The following SLC33A1 variants were observed in gnomAD, a reference collection of about 807,000 sequenced individuals.
SLC33A1 encodes the protein solute carrier family 33 member 1.
A neutral mutation model predicts 50.0 loss-of-function variants in SLC33A1; 20 were observed. The observed-to-expected ratio is 0.40, with a 90% CI of 0.28 to 0.58. SLC33A1 has a LOEUF of 0.58. SLC33A1 is among the 20% of genes least tolerant of loss of function. The pLI, the probability that SLC33A1 is intolerant of heterozygous loss-of-function variation, is 0.44. For synonymous variants in SLC33A1, 265 were observed against 251.8 expected (o/e 1.05, Z -0.50); for missense variants, 476 against 657.0 (o/e 0.72, Z 3.01).
chr3:155,848,242 C>A (rs1042291158), intron 1 of SLC33A1, among the ~76,000 whole-genome samples: 2 of 152,216 alleles, frequency 1.3e-5, no homozygotes, highest in African/African-American at 2.4e-5. Context: ...CTCAAATGAT[C>A]TTCCCATCTC....
In SLC33A1 at chr3:155,833,516, G is replaced by T; in HGVS notation, c.1218C>A (p.Phe406Leu). ...WTPKVEHQGG[F>L]PIYYYIVVLL... ...GGACTACGATATAGTAATATATAGG[G>T]AATCCCCCTTGATGTTCTACTTTAG... Residue 406 changes from phenylalanine (F) to leucine (L), a missense_variant, in exon 4 of 6, where the codon TTC becomes TTA. Transcript: ENST00000643144. 6.2e-7 allele frequency: 1 copy of T among 1,603,162 alleles called. No individual in the cohort carries two copies. Among genetic ancestry groups the T allele is most frequent in the Non-Finnish European group, 8.5e-7 (1 of 1,170,176 alleles).
intron 1 of SLC33A1, among the ~76,000 whole-genome samples, chr3:155,844,245 ACAGGATAGGCTAAG>A (rs1753039279): frequency 6.6e-6 from 1 of 151,856 alleles, no homozygotes; most frequent in African/African-American, 2.4e-5. Context: ...CTCATAGCAA[ACAGGATAGGCTAAG>A]CATGTGTTAT....
intron 1 of SLC33A1, among the ~76,000 whole-genome samples, chr3:155,849,804 A>C (rs1284741439): frequency 3.3e-5 from 5 of 151,064 alleles, no homozygotes; most frequent in Non-Finnish European, 5.9e-5. Context: ...GCTACTAGGG[A>C]GGCTGAGGCA....
intron 1 of SLC33A1, among the ~76,000 whole-genome samples, chr3:155,844,169 A>G (rs1316517347): frequency 6.6e-6 from 1 of 152,070 alleles, no homozygotes; most frequent in Non-Finnish European, 1.5e-5. Context: ...AGACAGCATT[A>G]TTTGTTTAGA....
chr3:155,828,470 T>C lies in SLC33A1; in HGVS notation c.1483-93A>G, dbSNP rs1300875497. The C allele has an allele frequency of 7.8e-6, 6 of 765,162 alleles. No individual in the cohort carries two copies. In the South Asian group the frequency reaches 7.9e-5, roughly 10 times the overall value. The allele number at this position is 765,162 out of a possible 1,614,324, so 47.4% of individuals were successfully genotyped here. A position where few individuals can be genotyped will look rare whatever the true frequency, so the allele number is the denominator to read the frequency against. ...TTCTACTTTATAAAGAATAAAAATATATTTTTCTTAAAACATTTCAGTATT... is the reference window on the plus strand; with the variant it reads ...TTCTACTTTATAAAGAATAAAAATACATTTTTCTTAAAACATTTCAGTATT... On this transcript the variant is annotated intron_variant, in intron 5 of 5. Coordinates refer to ENST00000643144, the MANE Select transcript of SLC33A1 (RefSeq NM_004733.4).
intron 2 of SLC33A1, among the ~76,000 whole-genome samples, chr3:155,835,419 C>T (rs758502590): frequency 1.6e-4 from 24 of 152,026 alleles, no homozygotes; most frequent in Non-Finnish European, 3.2e-4. Flanking sequence ...AAAAGCGGCC[C>T]CCAAAATCAT....
intron 1 of SLC33A1, among the ~76,000 whole-genome samples, chr3:155,846,654 T>C (rs1053873726): frequency 1.3e-5 from 2 of 151,784 alleles, no homozygotes; most frequent in African/African-American, 2.4e-5. Context: ...GGTTTCTCCA[T>C]GTTGGTCAGG....
intron 4 of SLC33A1, among the ~76,000 whole-genome samples, chr3:155,831,457 C>CAAAAAAAAAAAAAAAAAAAAAAAAA (rs397991448): frequency 2.1e-5 from 1 of 46,682 alleles, no homozygotes; most frequent in African/African-American, 5.8e-5. Context: ...GACTCTGTCT[C>CAAAAAAAAAAAAAAAAAAAAAAAAA]AAAAAAAAAA....
intron 1 of SLC33A1, chr3:155,844,759 C>T (rs1236828732): frequency 2.0e-5 from 3 of 151,818 alleles, no homozygotes; most frequent in Non-Finnish European, 4.4e-5. Flanking sequence ...TGAGCCACCA[C>T]GCCCAGTATA....
At chr3:155,832,635 C>T (rs1309848575) in intron 4 of SLC33A1, among the ~76,000 whole-genome samples, 6 of 149,964 alleles carry the variant, frequency 4.0e-5, no homozygotes, top group African/African-American at 1.5e-4. Context: ...CAAGACCAGC[C>T]TGGCCAATAT....
intron 1 of SLC33A1, among the ~76,000 whole-genome samples, chr3:155,849,990 T>C (rs113571878): frequency 1.3e-5 from 2 of 151,058 alleles, no homozygotes; most frequent in African/African-American, 4.8e-5. Context: ...TGTGAATGCA[T>C]ACTGTCTGTT....
Position 155,853,844 on chromosome 3 carries a change from G to C in SLC33A1, c.154C>G (p.Leu52Val), listed in dbSNP as rs756790835. 8.7e-6 allele frequency: 14 copies of C among 1,602,360 alleles called. No homozygotes were observed. Among genetic ancestry groups the C allele is most frequent in the South Asian group, 1.1e-5 (1 of 89,816 alleles). ...SAGREGDREA[L>V]LGDTGTGDFL... ...TCGCCAGTGCCGGTATCCCCCAGAAGAGCTTCTCTGTCCCCTTCCCGGCCC... is the reference window on the plus strand; with the variant it reads ...TCGCCAGTGCCGGTATCCCCCAGAACAGCTTCTCTGTCCCCTTCCCGGCCC... The change falls in exon 1 of 6, where the codon CTT becomes GTT. Residue 52 changes from leucine (L) to valine (V), a missense_variant. Physicochemically the swap from Leu to Val is conservative, Grantham distance 32. Coordinates refer to ENST00000643144, the MANE Select transcript of SLC33A1 (RefSeq NM_004733.4).
At chr3:155,844,042 C>T (rs1222482195) in intron 1 of SLC33A1, among the ~76,000 whole-genome samples, 1 of 152,134 alleles carries the variant, frequency 6.6e-6, no homozygotes, top group Non-Finnish European at 1.5e-5. Context: ...GTCACCTCTT[C>T]TCAAAAACAA....
chr3:155,844,418 C>T (rs1185544930), intron 1 of SLC33A1, among the ~76,000 whole-genome samples: 10 of 104,026 alleles, frequency 9.6e-5, no homozygotes, highest in Admixed American at 2.6e-4. Context: ...ACACTGCCTA[C>T]ATAAAGGTAT....
chr3:155,847,380 T>G (rs1753212985), intron 1 of SLC33A1, among the ~76,000 whole-genome samples: 1 of 152,122 alleles, frequency 6.6e-6, no homozygotes, highest in South Asian at 2.1e-4. Context: ...GTCATATAAA[T>G]TATGTGTTCT....
At chr3:155,847,456 T>C (rs976458087) in intron 1 of SLC33A1, among the ~76,000 whole-genome samples, 6 of 151,458 alleles carry the variant, frequency 4.0e-5, no homozygotes, top group African/African-American at 1.5e-4. Context: ...ATTTAAAGCA[T>C]CAATGTCGCT....
In SLC33A1 at chr3:155,827,842, A is replaced by T. The variant is rs992354220; in HGVS notation, c.*368T>A. ...TTTTATATATTGTACCAAAATTTTAAATACAGCTCAGCAGTGATAGGTACT... is the reference window on the plus strand; with the variant it reads ...TTTTATATATTGTACCAAAATTTTATATACAGCTCAGCAGTGATAGGTACT... On this transcript the variant is annotated 3_prime_UTR_variant, in exon 6 of 6. Transcript: ENST00000643144. 2 of 168,094 alleles carry T rather than the reference A, an allele frequency of 1.2e-5. No individual in the cohort carries two copies. Among genetic ancestry groups the T allele is most frequent in the African/African-American group, 2.4e-5 (1 of 41,648 alleles). 10.4% of individuals were successfully genotyped at this position (168,094 alleles called of 1,614,324 possible). A position where few individuals can be genotyped will look rare whatever the true frequency, so the allele number is the denominator to read the frequency against.
At chr3:155,846,177 T>C (rs976498317) in intron 1 of SLC33A1, among the ~76,000 whole-genome samples, 2 of 152,204 alleles carry the variant, frequency 1.3e-5, no homozygotes, top group Non-Finnish European at 2.9e-5. Context: ...ACAGAGGACA[T>C]CTCATTTAAA....
chr3:155,849,838 G>A, intron 1 of SLC33A1, among the ~76,000 whole-genome samples: 1 of 150,240 alleles, frequency 6.7e-6, no homozygotes, highest in Admixed American at 6.6e-5. Context: ...AGCCCTGGAG[G>A]GGGAAGTTGC....
Sources: allele counts gnomAD v4.1 joint callset (sites outside exome capture counted in the v4.1 genomes callset), GRCh38; gene constraint gnomAD v4.1.1; transcripts MANE v1.5; gene names NCBI Gene and HGNC (gene_info 2026-07-23, HGNC 2026-07-21).